Variants in RIMS1 observed in about 807,000 individuals in gnomAD.
RIMS1 encodes the protein regulating synaptic membrane exocytosis protein 1.
Under a neutral mutation model 214.1 loss-of-function variants are expected in RIMS1, and 83 were observed. That is an observed-to-expected ratio of 0.39 (90% CI 0.32 to 0.47). The LOEUF (loss-of-function observed/expected upper bound fraction) is 0.47. Ranked by LOEUF, RIMS1 falls within the 20% of genes least tolerant of loss-of-function variation. The pLI is 0.99. For synonymous variants in RIMS1, 793 were observed against 786.8 expected (o/e 1.01, Z -0.13); for missense variants, 2,050 against 2,161.8 (o/e 0.95, Z 1.03).
intron 4 of RIMS1, among the ~76,000 whole-genome samples, chr6:72,130,931 A>T (rs944687176): frequency 3.3e-5 from 5 of 152,214 alleles, no homozygotes; most frequent in Admixed American, 3.3e-4. Flanking sequence ...AAAACAGGAA[A>T]TATTCTATCT....
At chr6:71,913,392 T>G (rs1777479744) in intron 1 of RIMS1, among the ~76,000 whole-genome samples, 1 of 152,142 alleles carries the variant, frequency 6.6e-6, no homozygotes, top group Non-Finnish European at 1.5e-5. Flanking sequence ...TAAATGCTTT[T>G]TATAGACAAT....
intron 1 of RIMS1, among the ~76,000 whole-genome samples, chr6:71,893,292 G>T (rs1314901798): frequency 1.3e-5 from 2 of 151,816 alleles, no homozygotes; most frequent in Non-Finnish European, 2.9e-5. Context: ...CTTGGTCTGA[G>T]ACTATATTTA....
intron 1 of RIMS1, among the ~76,000 whole-genome samples, chr6:71,906,656 G>A (rs879943418): frequency 1.2e-4 from 19 of 152,110 alleles, no homozygotes; most frequent in Non-Finnish European, 2.2e-4. Context: ...GTGCCTGAGT[G>A]TGTGGATTTC....
At chr6:72,368,326 G>C (rs1253704735) in intron 29 of RIMS1, among the ~76,000 whole-genome samples, 1 of 112,032 alleles carries the variant, frequency 8.9e-6, no homozygotes, top group Non-Finnish European at 1.7e-5. Flanking sequence ...TTTTGAGACA[G>C]AGTCTCGCTC....
At chr6:72,107,046 G>A (rs899408732) in intron 4 of RIMS1, among the ~76,000 whole-genome samples, 6 of 152,088 alleles carry the variant, frequency 3.9e-5, no homozygotes, top group Non-Finnish European at 2.9e-5. Context: ...CTATCAAAGG[G>A]TCAGAGCAGC....
chr6:71,994,399 T>C (rs1278160715), intron 2 of RIMS1, among the ~76,000 whole-genome samples: 3 of 152,140 alleles, frequency 2.0e-5, no homozygotes, highest in Non-Finnish European at 2.9e-5. Flanking sequence ...ACTAGATAAT[T>C]GTCATTGGAA....
chr6:72,218,725 G>C (rs569265311), intron 6 of RIMS1, among the ~76,000 whole-genome samples: 1 of 152,090 alleles, frequency 6.6e-6, no homozygotes, highest in African/African-American at 2.4e-5. Flanking sequence ...AGGCAATGAT[G>C]GTTCATGTTC....
At chr6:72,103,925 A>G (rs2034202270) in intron 4 of RIMS1, among the ~76,000 whole-genome samples, 1 of 152,144 alleles carries the variant, frequency 6.6e-6, no homozygotes, top group African/African-American at 2.4e-5. Flanking sequence ...CCAATGATTC[A>G]GTCTGTGTGA....
chr6:72,156,129 G>A lies in RIMS1; in HGVS notation c.472-23446G>A, dbSNP rs77494793. ...AATCTCACTTCTGGATATACATCAA[G>A]AGCAAATGAAATCAATATTTTGAAG... is the stretch of plus-strand genomic sequence containing the variant. On this transcript the variant is annotated intron_variant, in intron 4 of 33. Coordinates refer to ENST00000521978, the MANE Select transcript of RIMS1 (RefSeq NM_014989.7). The A allele has an allele frequency of 2.1e-3, 639 of 298,510 alleles. 71 individuals are homozygous for A. In the East Asian group the frequency reaches 0.047, roughly 22 times the overall value. The allele number at this position is 298,510 out of a possible 1,614,324, so 18.5% of individuals were successfully genotyped here. A position where few individuals can be genotyped will look rare whatever the true frequency, so the allele number is the denominator to read the frequency against.
At chr6:72,323,434 TA>T (rs2096276662) in intron 28 of RIMS1, among the ~76,000 whole-genome samples, 1 of 151,854 alleles carries the variant, frequency 6.6e-6, no homozygotes, top group African/African-American at 2.4e-5. Flanking sequence ...TTTAAAAAAT[TA>T]AATTATAATT....
At chr6:72,080,810 A>C (rs1833192903) in intron 2 of RIMS1, among the ~76,000 whole-genome samples, 1 of 152,094 alleles carries the variant, frequency 6.6e-6, no homozygotes, top group African/African-American at 2.4e-5. Context: ...CTCAAATTTC[A>C]CCTTTTGGTG....
chr6:72,252,921 T>C (rs2074112333), intron 16 of RIMS1, 89 bp downstream of exon 16: 8 of 877,926 alleles, frequency 9.1e-6, no homozygotes, highest in Non-Finnish European at 1.5e-5. Context: ...GATACTAAAC[T>C]GAAGATTTAT....
At chr6:71,901,135 A>G (rs1429725091) in intron 1 of RIMS1, among the ~76,000 whole-genome samples, 1 of 152,102 alleles carries the variant, frequency 6.6e-6, no homozygotes, top group Non-Finnish European at 1.5e-5. Flanking sequence ...GTTGATAAAG[A>G]TAATGAGAAA....
chr6:71,923,160 G>A (rs145948162), intron 1 of RIMS1, among the ~76,000 whole-genome samples: 156 of 152,234 alleles, frequency 1.0e-3, no homozygotes, highest in African/African-American at 3.6e-3. Context: ...TACAGTTTCC[G>A]CAGATAGGTT....
At chr6:72,220,031 T>G (rs2057864646) in intron 6 of RIMS1, among the ~76,000 whole-genome samples, 1 of 152,122 alleles carries the variant, frequency 6.6e-6, no homozygotes, top group African/African-American at 2.4e-5. Context: ...TGTTGCTAGG[T>G]CATGAAAGTG....
chr6:71,896,287 C>T (rs1366324049), intron 1 of RIMS1, among the ~76,000 whole-genome samples: 2 of 152,172 alleles, frequency 1.3e-5, no homozygotes, highest in Non-Finnish European at 1.5e-5. Flanking sequence ...CAGCTGTCTG[C>T]ATACCCTAGG....
At chr6:72,039,963 G>A (rs1820970697) in intron 2 of RIMS1, among the ~76,000 whole-genome samples, 1 of 150,746 alleles carries the variant, frequency 6.6e-6, no homozygotes, top group African/African-American at 2.4e-5. Flanking sequence ...TCTTAACATT[G>A]TTTTCACTTT....
At chr6:72,178,881 C>CAA (rs1200584779) in intron 4 of RIMS1, among the ~76,000 whole-genome samples, 2 of 152,162 alleles carry the variant, frequency 1.3e-5, no homozygotes, top group Admixed American at 1.3e-4. Flanking sequence ...TCCCCAATAG[C>CAA]TCTCCTTGGG....
At chr6:71,969,419 T>C (rs939632568) in intron 2 of RIMS1, among the ~76,000 whole-genome samples, 5 of 152,144 alleles carry the variant, frequency 3.3e-5, no homozygotes, top group African/African-American at 1.2e-4. Flanking sequence ...ACAGACAGGG[T>C]GCTGAGTGGG....
Sources: gnomAD v4.1 joint callset for allele counts (sites outside exome capture counted in the v4.1 genomes callset) on GRCh38, gnomAD v4.1.1 for gene constraint, MANE v1.5 for transcripts, NCBI Gene and HGNC (gene_info 2026-07-23, HGNC 2026-07-21) for gene names.